The following FGF14 variants were observed in gnomAD, a reference collection of about 807,000 sequenced individuals.
The protein encoded by FGF14 is fibroblast growth factor 14.
A neutral mutation model predicts 25.5 loss-of-function variants in FGF14; 5 were observed. That is an observed-to-expected ratio of 0.20 (90% CI 0.10 to 0.41). The LOEUF is 0.41. Ranked by LOEUF, FGF14 falls within the 10% of genes least tolerant of loss-of-function variation. The pLI is 1.00. For synonymous variants in FGF14, 138 were observed against 118.3 expected (o/e 1.17, Z -1.08); for missense variants, 222 against 320.1 (o/e 0.69, Z 2.34).
intron 3 of FGF14, among the ~76,000 whole-genome samples, chr13:101,832,122 A>G (rs188683112): frequency 2.6e-5 from 4 of 152,108 alleles, no homozygotes; most frequent in Non-Finnish European, 4.4e-5. Context: ...AGAAAGGCAG[A>G]GGGAGATCCG....
intron 1 of FGF14, among the ~76,000 whole-genome samples, chr13:102,186,287 G>A (rs557644183): frequency 7.9e-5 from 12 of 152,084 alleles, no homozygotes; most frequent in African/African-American, 1.2e-4. Context: ...TATGTACTTC[G>A]AAATCAAATG....
rs1299168411 is a variant in FGF14 at position 101,812,637 on chromosome 13, ATATATATATATATATATTTTTTTTTTT to A, written c.408+56061_408+56087del. ...TATATATATATATATATATATATAT[ATATATATATATATATATTTTTTTTTTT>A]TTTTTTTTTTTTTTTTTTACGGAGT... On this transcript the variant is annotated intron_variant, in intron 3 of 4. Coordinates refer to ENST00000376143, the MANE Select transcript of FGF14 (RefSeq NM_004115.4). Among the ~76,000 whole-genome samples, 7 of 11,776 alleles carry A rather than the reference ATATATATATATATATATTTTTTTTTTT, an allele frequency of 5.9e-4. No homozygotes were observed. The South Asian group carries it at 0.015, about 25-fold the overall frequency. The allele number at this position is 11,776 out of a possible 152,430, so 7.7% of individuals were successfully genotyped here.
At position 101,908,213 on chromosome 13, in the gene FGF14, C is replaced by T. The variant is rs112215487; in HGVS notation, c.193+8240G>A. Among the ~76,000 whole-genome samples, 1,156 of 152,234 alleles carry T rather than the reference C, an allele frequency of 7.6e-3. 13 individuals carry two copies. The highest frequency in any genetic ancestry group is 0.026 in the African/African-American group (1,076 of 41,546). On this transcript the variant is annotated intron_variant, in intron 1 of 4. Transcript: ENST00000376143. ...ATTTAAAGTAGGACCAATGTGTCTGCGTATTTTTCTTCAGCCAAATTCAGC... is the reference window on the plus strand; with the variant it reads ...ATTTAAAGTAGGACCAATGTGTCTGTGTATTTTTCTTCAGCCAAATTCAGC...
intron 1 of FGF14, among the ~76,000 whole-genome samples, chr13:102,066,097 A>G (rs965062366): frequency 2.6e-5 from 4 of 152,120 alleles, no homozygotes; most frequent in African/African-American, 9.7e-5. Context: ...CTTAAGTAAT[A>G]CATTAATAAT....
At chr13:102,003,745 C>A (rs1466143477) in intron 1 of FGF14, among the ~76,000 whole-genome samples, 1 of 151,296 alleles carries the variant, frequency 6.6e-6, no homozygotes, top group Non-Finnish European at 1.5e-5. Context: ...CCTGAAGAAG[C>A]AAGGCCTGCT....
At chr13:101,886,682 A>G (rs1284972381) in intron 1 of FGF14, among the ~76,000 whole-genome samples, 1 of 152,208 alleles carries the variant, frequency 6.6e-6, no homozygotes, top group African/African-American at 2.4e-5. Context: ...AAGAAAAGCA[A>G]ATATAGATAA....
chr13:102,269,011 A>G (rs1594652265), intron 1 of FGF14, among the ~76,000 whole-genome samples: 1 of 152,194 alleles, frequency 6.6e-6, no homozygotes, highest in Non-Finnish European at 1.5e-5. Flanking sequence ...GAGAGATACA[A>G]CTTTCTTACT....
intron 3 of FGF14, among the ~76,000 whole-genome samples, chr13:101,819,759 G>C (rs1189509193): frequency 6.6e-6 from 1 of 152,120 alleles, no homozygotes; most frequent in Non-Finnish European, 1.5e-5. Flanking sequence ...GAAGATACAT[G>C]ATAAATCAAA....
At chr13:102,279,664 TA>T (rs2053730323) in intron 1 of FGF14, among the ~76,000 whole-genome samples, 2 of 152,156 alleles carry the variant, frequency 1.3e-5, no homozygotes. Context: ...GCCCAATGCA[TA>T]CTCAATTATA....
At chr13:101,864,481 A>G (rs552552551) in intron 3 of FGF14, among the ~76,000 whole-genome samples, 1 of 152,214 alleles carries the variant, frequency 6.6e-6, no homozygotes, top group Non-Finnish European at 1.5e-5. Flanking sequence ...GGTGACCCTT[A>G]CAAACTGTTG....
intron 1 of FGF14, among the ~76,000 whole-genome samples, chr13:102,149,258 A>C (rs667849): frequency 0.054 from 8,227 of 152,130 alleles, 786 homozygotes; most frequent in African/African-American, 0.19. Flanking sequence ...CATTGATATA[A>C]AATGGCCTCT....
intron 3 of FGF14, among the ~76,000 whole-genome samples, chr13:101,815,530 G>C (rs1231618204): frequency 6.6e-6 from 1 of 152,176 alleles, no homozygotes; most frequent in Non-Finnish European, 1.5e-5. Context: ...AACAAGAGAA[G>C]GGAGAAGGGC....
In FGF14 at chr13:101,866,796, T is replaced by C. The variant is rs144615376; in HGVS notation, c.408+1929A>G. Reference sequence around the variant, plus strand: ...ATAGATTCATAATCGCTTTTGGTTTTTATCCAAGTCCTCTTTCCAAAGATG... The same window carrying C: ...ATAGATTCATAATCGCTTTTGGTTTCTATCCAAGTCCTCTTTCCAAAGATG... On this transcript the variant is annotated intron_variant, in intron 3 of 4. Coordinates refer to ENST00000376143, the MANE Select transcript of FGF14 (RefSeq NM_004115.4). 6.7e-3 allele frequency among the ~76,000 whole-genome samples: 1,016 copies of C among 152,278 alleles called. 10 individuals carry two copies. Among genetic ancestry groups the C allele is most frequent in the South Asian group, 0.017 (83 of 4,822 alleles).
chr13:101,897,496 A>C (rs2030874117), intron 1 of FGF14, among the ~76,000 whole-genome samples: 1 of 152,192 alleles, frequency 6.6e-6, no homozygotes, highest in African/African-American at 2.4e-5. Flanking sequence ...CTTATGAGTA[A>C]GAATACACCT....
intron 1 of FGF14, among the ~76,000 whole-genome samples, chr13:102,087,400 GTAATT>G (rs1169563069): frequency 9.7e-6 from 1 of 103,516 alleles, no homozygotes; most frequent in Non-Finnish European, 2.1e-5. Flanking sequence ...AAAATAGACT[GTAATT>G]TCTTTTTTTT....
At chr13:102,326,631 AAG>A (rs1157811644) in intron 1 of FGF14, among the ~76,000 whole-genome samples, 7 of 132,988 alleles carry the variant, frequency 5.3e-5, no homozygotes, top group East Asian at 2.7e-4. Flanking sequence ...GAAGGAGGGA[AAG>A]GGAGGGAAAG....
intron 3 of FGF14, among the ~76,000 whole-genome samples, chr13:101,748,169 T>G (rs981897682): frequency 3.9e-5 from 6 of 151,944 alleles, no homozygotes; most frequent in Non-Finnish European, 7.4e-5. Context: ...ACCTGGACTT[T>G]TATGTGTATA....
intron 3 of FGF14, among the ~76,000 whole-genome samples, chr13:101,737,512 G>A (rs2036266226): frequency 1.3e-5 from 2 of 152,092 alleles, no homozygotes; most frequent in African/African-American, 4.8e-5. Flanking sequence ...CCAAAATCTA[G>A]TCTGGTTACT....
At chr13:102,360,491 T>C (rs2057535156) in intron 1 of FGF14, among the ~76,000 whole-genome samples, 1 of 152,118 alleles carries the variant, frequency 6.6e-6, no homozygotes, top group Non-Finnish European at 1.5e-5. Context: ...ACTGTGTCCA[T>C]TAAAAATTAA....
Sources: allele counts gnomAD v4.1 joint callset (sites outside exome capture counted in the v4.1 genomes callset), GRCh38; gene constraint gnomAD v4.1.1; transcripts MANE v1.5; gene names NCBI Gene and HGNC (gene_info 2026-07-23, HGNC 2026-07-21).